The following PALM2AKAP2 variants were observed in gnomAD, a reference collection of about 807,000 sequenced individuals.
PALM2AKAP2 encodes the protein PALM2 and AKAP2 fusion.
PALM2AKAP2 carries 37 observed loss-of-function variants against 71.5 expected under a neutral mutation model. The ratio of observed to expected loss-of-function variants is 0.52; its 90% CI spans 0.40 to 0.68. The LOEUF is 0.68. Among genes scored for constraint, PALM2AKAP2 ranks in the 30% least tolerant of loss-of-function variants. The pLI is 0.00. For missense variants in PALM2AKAP2, 1,224 were observed against 1,191.8 expected (o/e 1.03, Z -0.40); for synonymous variants, 468 against 478.8 (o/e 0.98, Z 0.29).
intron 1 of PALM2AKAP2, among the ~76,000 whole-genome samples, chr9:109,730,657 T>C (rs1428886569): frequency 6.6e-6 from 1 of 152,220 alleles, no homozygotes; most frequent in Non-Finnish European, 1.5e-5. Flanking sequence ...AATCAATGTG[T>C]CTTAGAAACC....
chr9:109,689,584 G>A (rs1827852923), intron 1 of PALM2AKAP2, among the ~76,000 whole-genome samples: 1 of 152,212 alleles, frequency 6.6e-6, no homozygotes, highest in Non-Finnish European at 1.5e-5. Flanking sequence ...ACAATAAATA[G>A]CACTCCATTA....
chr9:110,157,168 A>G (rs1836478433), intron 3 of PALM2AKAP2, among the ~76,000 whole-genome samples: 1 of 152,218 alleles, frequency 6.6e-6, no homozygotes, highest in African/African-American at 2.4e-5. Context: ...GTTGCTCTAC[A>G]CAGTCCCAGG....
intron 1 of PALM2AKAP2, among the ~76,000 whole-genome samples, chr9:109,663,698 T>G (rs1464765667): frequency 6.6e-6 from 1 of 152,220 alleles, no homozygotes; most frequent in East Asian, 1.9e-4. Flanking sequence ...AGATGTCTAT[T>G]AGGTCTGCTT....
intron 6 of PALM2AKAP2, among the ~76,000 whole-genome samples, chr9:109,952,729 CTT>C (rs1380485753): frequency 6.6e-6 from 1 of 152,164 alleles, no homozygotes; most frequent in East Asian, 1.9e-4. Context: ...ACATTATTCT[CTT>C]TGTTAATTGA....
At chr9:109,706,133 CA>C (rs1425529461) in intron 1 of PALM2AKAP2, among the ~76,000 whole-genome samples, 2 of 152,014 alleles carry the variant, frequency 1.3e-5, no homozygotes, top group African/African-American at 4.8e-5. Flanking sequence ...AATACCTTTT[CA>C]AAAAACATGC....
rs73657311 is a variant in PALM2AKAP2 at position 109,931,464 on chromosome 9, G to A, written c.395-463G>A. Among the ~76,000 whole-genome samples the A allele has an allele frequency of 9.4e-3, 1,430 of 152,308 alleles. 24 individuals carry two copies. Among genetic ancestry groups the A allele is most frequent in the African/African-American group, 0.033 (1,363 of 41,542 alleles). On this transcript the variant is annotated intron_variant, in intron 5 of 9. Coordinates refer to the PALM2AKAP2 transcript ENST00000302798. ...TGAATCAGGCTCATAAAGCTATATT[G>A]CCAGTTCAGGGAATGAACCCCATAA...
intron 7 of PALM2AKAP2, among the ~76,000 whole-genome samples, chr9:110,040,305 T>A (rs923570763): frequency 6.6e-6 from 1 of 152,206 alleles, no homozygotes; most frequent in Non-Finnish European, 1.5e-5. Flanking sequence ...CTTAGAGAAG[T>A]AATTAATTTA....
intron 1 of PALM2AKAP2, among the ~76,000 whole-genome samples, chr9:109,680,569 T>C (rs1827712796): frequency 6.6e-6 from 1 of 152,234 alleles, no homozygotes; most frequent in African/African-American, 2.4e-5. Flanking sequence ...ATAAAATGTC[T>C]AGGATTACAA....
At chr9:109,983,002 T>C (rs1832304865) in intron 6 of PALM2AKAP2, among the ~76,000 whole-genome samples, 1 of 152,102 alleles carries the variant, frequency 6.6e-6, no homozygotes, top group Non-Finnish European at 1.5e-5. Flanking sequence ...TAGATCCCAT[T>C]AGTCTTGGAG....
intron 7 of PALM2AKAP2, among the ~76,000 whole-genome samples, chr9:110,023,652 T>G (rs1833119106): frequency 6.6e-6 from 1 of 151,648 alleles, no homozygotes; most frequent in African/African-American, 2.4e-5. Flanking sequence ...TGTTTCACAT[T>G]CTCATAGGAC....
intron 1 of PALM2AKAP2, among the ~76,000 whole-genome samples, chr9:110,069,642 G>A (rs989976326): frequency 6.6e-6 from 1 of 152,124 alleles, no homozygotes; most frequent in East Asian, 1.9e-4. Flanking sequence ...TTTGCTTATC[G>A]GATTCTTAAC....
chr9:110,045,634 C>G (rs1203642793), upstream of PALM2AKAP2, among the ~76,000 whole-genome samples: 3 of 152,056 alleles, frequency 2.0e-5, no homozygotes, highest in Non-Finnish European at 4.4e-5. Flanking sequence ...GTGGTGCAAT[C>G]TCGGCTCACT....
At chr9:109,654,254 C>T (rs1008223319) in intron 1 of PALM2AKAP2, among the ~76,000 whole-genome samples, 1 of 152,118 alleles carries the variant, frequency 6.6e-6, no homozygotes, top group African/African-American at 2.4e-5. Context: ...CCAAGAAGCT[C>T]GTGGTATTCC....
chr9:109,979,803 C>T (rs1588042509), intron 6 of PALM2AKAP2, among the ~76,000 whole-genome samples: 1 of 152,096 alleles, frequency 6.6e-6, no homozygotes, highest in East Asian at 1.9e-4. Context: ...CCTTAAATTC[C>T]CTTTAAATTC....
intron 1 of PALM2AKAP2, among the ~76,000 whole-genome samples, chr9:110,134,224 A>C (rs1835797372): frequency 6.6e-6 from 1 of 151,962 alleles, no homozygotes; most frequent in Admixed American, 6.5e-5. Context: ...GGTTGCAGTG[A>C]GCTATGATCA....
chr9:110,044,855 C>G (rs1833571765), upstream of PALM2AKAP2, among the ~76,000 whole-genome samples: 1 of 152,122 alleles, frequency 6.6e-6, no homozygotes, highest in South Asian at 2.1e-4. Context: ...TGAGACACTT[C>G]TAAGTCTATT....
intron 6 of PALM2AKAP2, among the ~76,000 whole-genome samples, chr9:109,941,960 G>A (rs1164898905): frequency 6.6e-6 from 1 of 152,236 alleles, no homozygotes; most frequent in African/African-American, 2.4e-5. Context: ...CAACAGATGG[G>A]AAAGGTATTG....
At chr9:109,689,200 C>CTTTTTTTTTTTTTTT (rs200092612) in intron 1 of PALM2AKAP2, among the ~76,000 whole-genome samples, 1 of 134,146 alleles carries the variant, frequency 7.5e-6, no homozygotes, top group Non-Finnish European at 1.6e-5. Flanking sequence ...TTTTTCTTTT[C>CTTTTTTTTTTTTTTT]TTTTTTTTTT....
chr9:109,704,379 C>T (rs763102584), intron 1 of PALM2AKAP2, among the ~76,000 whole-genome samples: 2 of 152,142 alleles, frequency 1.3e-5, no homozygotes, highest in Admixed American at 6.5e-5. Flanking sequence ...TCAGATGAGC[C>T]ATAGACTGTA....
Sources: allele counts gnomAD v4.1 joint callset (sites outside exome capture counted in the v4.1 genomes callset), GRCh38; gene constraint gnomAD v4.1.1; transcripts MANE v1.5; gene names NCBI Gene and HGNC (gene_info 2026-07-23, HGNC 2026-07-21).